The following NCAPG variants were observed in gnomAD, a reference collection of about 807,000 sequenced individuals.
The protein encoded by NCAPG is condensin complex subunit 3.
A neutral mutation model predicts 113.1 loss-of-function variants in NCAPG; 69 were observed. That is an observed-to-expected ratio of 0.61 (90% CI 0.50 to 0.75). NCAPG has a LOEUF of 0.75. Among genes scored for constraint, NCAPG ranks in the 30% least tolerant of loss-of-function variants. The pLI, the probability that NCAPG is intolerant of heterozygous loss-of-function variation, is 0.00. For missense variants in NCAPG, 1,058 were observed against 1,177.0 expected, an observed-to-expected ratio of 0.90 and a Z score of 1.48; for synonymous variants, 370 against 415.8, an observed-to-expected ratio of 0.89 and a Z score of 1.34.
chr4:17,823,620 A>G (rs984349310), intron 8 of NCAPG, 27 bp from the exon 9 acceptor site: 2 of 1,586,782 alleles, frequency 1.3e-6, no homozygotes, highest in African/African-American at 2.7e-5. Context: ...TCATAATAAT[A>G]TTTAAATTAG....
chr4:17,819,930 C>T (rs893961616), intron 7 of NCAPG, among the ~76,000 whole-genome samples: 1 of 152,070 alleles, frequency 6.6e-6, no homozygotes, highest in Non-Finnish European at 1.5e-5. Context: ...CATGAAGAAC[C>T]TGTGTGAATC....
intron 13 of NCAPG, among the ~76,000 whole-genome samples, chr4:17,832,887 G>C (rs1297238588): frequency 6.6e-6 from 1 of 152,100 alleles, no homozygotes; most frequent in Admixed American, 6.6e-5. Flanking sequence ...CAGCTGTCCC[G>C]TGTTGCTTCA....
chr4:17,839,379 C>T (rs1485756221), intron 16 of NCAPG, among the ~76,000 whole-genome samples: 1 of 152,132 alleles, frequency 6.6e-6, no homozygotes, highest in East Asian at 1.9e-4. Flanking sequence ...CCACCATTGT[C>T]AGCCTGGATC....
chr4:17,820,861 C>T (rs530449446), intron 7 of NCAPG, among the ~76,000 whole-genome samples: 5 of 152,122 alleles, frequency 3.3e-5, no homozygotes, highest in Non-Finnish European at 7.4e-5. Context: ...CCAAGGTGCT[C>T]ACTTAAAGAG....
At position 17,812,355 on chromosome 4, in the gene NCAPG, A is replaced by C. The variant is rs1463897665; in HGVS notation, c.246A>C (p.Ser82=). 1 of 1,613,884 alleles carries C rather than the reference A, an allele frequency of 6.2e-7. No individual in the cohort carries two copies. The highest frequency in any genetic ancestry group is 8.5e-7 in the Non-Finnish European group (1 of 1,179,884). The part of the protein sequence containing the change: ...AAKFVTSFHQ[S]DMEDDEEEED... ...AGTTTGTTACCTCATTTCACCAATC[A>C]GATATGGAAGATGATGAGGAAGAGG... is the stretch of plus-strand genomic sequence containing the variant. The change falls in exon 2 of 21, where the codon TCA becomes TCC. Residue 82 remains serine, a synonymous_variant. Coordinates refer to ENST00000251496, the MANE Select transcript of NCAPG (RefSeq NM_022346.5).
Position 17,825,014 on chromosome 4 carries a change from G to A in NCAPG, c.1430G>A (p.Gly477Asp). The A allele has an allele frequency of 6.2e-7, 1 of 1,612,856 alleles. No individual in the cohort carries two copies. The highest frequency in any genetic ancestry group is 8.5e-7 in the Non-Finnish European group (1 of 1,179,330). Residue 477 changes from glycine (G) to aspartate (D), a missense_variant, in exon 10 of 21, where the codon GGT (glycine) becomes GAT (aspartate). Physicochemically the swap from Gly to Asp is moderately conservative, Grantham distance 94. Transcript: ENST00000251496. ...ATTCGGGCGCCCATTGTTACTGTTG[G>A]TGTTAATAACGATCCAGCTGATGTA... is the stretch of plus-strand genomic sequence containing the variant. ...SEIRAPIVTV[G>D]VNNDPADVRK...
intron 12 of NCAPG, among the ~76,000 whole-genome samples, chr4:17,830,715 T>A (rs1477366019): frequency 2.0e-5 from 3 of 152,044 alleles, no homozygotes; most frequent in Non-Finnish European, 2.9e-5. Flanking sequence ...ATAAGAAGAT[T>A]GGGAAAGAAA....
At chr4:17,832,175 A>G (rs1008098858) in intron 13 of NCAPG, among the ~76,000 whole-genome samples, 2 of 152,206 alleles carry the variant, frequency 1.3e-5, no homozygotes, top group African/African-American at 4.8e-5. Flanking sequence ...CTTGCAGGCT[A>G]TGCAAAAACA....
intron 1 of NCAPG, 86 bp from the exon 2 acceptor site, chr4:17,812,135 C>T (rs1413995705): frequency 3.2e-6 from 3 of 948,380 alleles, no homozygotes; most frequent in Non-Finnish European, 4.9e-6. Flanking sequence ...ATTATTATGG[C>T]TAGTGCTTTC....
chr4:17,825,263 A>C, intron 10 of NCAPG, 119 bp from the exon 11 acceptor site: 2 of 938,942 alleles, frequency 2.1e-6, no homozygotes, highest in Non-Finnish European at 3.1e-6. Context: ...ACAAGTTTGC[A>C]TATGCCTGAC....
intron 9 of NCAPG, 59 bp downstream of exon 9, chr4:17,823,829 C>T: frequency 1.4e-6 from 2 of 1,385,686 alleles, no homozygotes; most frequent in Non-Finnish European, 2.0e-6. Flanking sequence ...TGAATACTGT[C>T]TTATTTTCTG....
intron 13 of NCAPG, among the ~76,000 whole-genome samples, chr4:17,833,458 CA>C (rs1204698550): frequency 0.02 from 2,625 of 131,820 alleles, 73 homozygotes; most frequent in African/African-American, 0.067. Context: ...CACTCCATCT[CA>C]AAAAAAAAAA....
chr4:17,842,193 A>C (rs943289533), intron 19 of NCAPG, 117 bp from the exon 20 acceptor site: 8 of 778,662 alleles, frequency 1.0e-5, no homozygotes, highest in African/African-American at 3.5e-5. Context: ...AGTAGGAGAT[A>C]CATGTGTTGA....
chr4:17,817,519 TC>T, intron 6 of NCAPG, 66 bp downstream of exon 6: 2 of 1,310,454 alleles, frequency 1.5e-6, no homozygotes, highest in South Asian at 1.3e-5. Flanking sequence ...TTGTTTTTTT[TC>T]CTCCCCATAG....
chr4:17,828,347 A>G lies in NCAPG; in HGVS notation c.1723A>G (p.Thr575Ala), dbSNP rs1449228836. 8 of 1,608,412 alleles carry G rather than the reference A, an allele frequency of 5.0e-6. No homozygotes were observed. The highest frequency in any genetic ancestry group is 2.2e-5 in the South Asian group (2 of 90,488). Residue 575 changes from threonine to alanine, a missense_variant, in exon 12 of 21, where the codon ACA (threonine) becomes GCA (alanine). Physicochemically the swap from Thr to Ala is moderately conservative, Grantham distance 58. Coordinates refer to ENST00000251496, the MANE Select transcript of NCAPG (RefSeq NM_022346.5). ...YELLKQMSISTGLSATMNGII... is the reference protein window; with the variant it reads ...YELLKQMSISAGLSATMNGII... ...ACTGTTGAAGCAGATGTCCATTTCA[A>G]CAGGCTTAAGTGCAACCATGAATGG...
Position 17,812,335 on chromosome 4 carries a change from G to T in NCAPG, c.226G>T (p.Val76Phe), listed in dbSNP as rs753273302. Residue 76 changes from valine to phenylalanine, a missense_variant, in exon 2 of 21, where the codon GTT becomes TTT. Coordinates refer to ENST00000251496, the MANE Select transcript of NCAPG (RefSeq NM_022346.5). ...ERVIEFAAKF[V>F]TSFHQSDMED... ...GGTAATAGAATTTGCAGCAAAGTTTGTTACCTCATTTCACCAATCAGATAT... is the reference window on the plus strand; with the variant it reads ...GGTAATAGAATTTGCAGCAAAGTTTTTTACCTCATTTCACCAATCAGATAT... 16 of 1,613,648 alleles carry T rather than the reference G, an allele frequency of 9.9e-6. No homozygotes were observed. The highest frequency in any genetic ancestry group is 1.3e-5 in the African/African-American group (1 of 74,894).
At chr4:17,837,856 T>G (rs1722166301) in intron 16 of NCAPG, 55 bp downstream of exon 16, 1 of 1,591,548 alleles carries the variant, frequency 6.3e-7, no homozygotes, top group Non-Finnish European at 8.6e-7. Flanking sequence ...ATAATCTCTC[T>G]CAAAGATCCC....
chr4:17,819,820 T>C (rs1489082515), intron 7 of NCAPG, among the ~76,000 whole-genome samples: 3 of 152,256 alleles, frequency 2.0e-5, no homozygotes, highest in Non-Finnish European at 2.9e-5. Context: ...GCAGCAAAGC[T>C]GTGCATGCCT....
intron 9 of NCAPG, 61 bp from the exon 10 acceptor site, chr4:17,824,907 A>C: frequency 8.2e-7 from 1 of 1,215,178 alleles, no homozygotes. Context: ...TTTATATAGA[A>C]TTTTGATACT....
Sources: gnomAD v4.1 joint callset for allele counts (sites outside exome capture counted in the v4.1 genomes callset) on GRCh38, gnomAD v4.1.1 for gene constraint, MANE v1.5 for transcripts, NCBI Gene and HGNC (gene_info 2026-07-23, HGNC 2026-07-21) for gene names.